Variants in ARHGAP15 observed in about 807,000 individuals in gnomAD.
The protein encoded by ARHGAP15 is rho GTPase-activating protein 15.
In ARHGAP15, 51 loss-of-function variants were observed where a neutral mutation model predicts 63.7. That is an observed-to-expected ratio of 0.80 (90% CI 0.64 to 1.01). ARHGAP15 has a LOEUF of 1.01. Among genes scored for constraint, ARHGAP15 ranks in the 50% least tolerant of loss-of-function variants. ARHGAP15 has a pLI of 0.00. For synonymous variants in ARHGAP15, 191 were observed against 193.8 expected (o/e 0.99, Z 0.12); for missense variants, 560 against 564.6 (o/e 0.99, Z 0.08).
rs553717120 is a variant in ARHGAP15, at chr2:143,597,742, A to C, written c.1004-26391A>C. Among the ~76,000 whole-genome samples the C allele has an allele frequency of 1.1e-4, 17 of 152,306 alleles. No individual in the cohort carries two copies. In the Middle Eastern group the frequency reaches 0.01, roughly 91 times the overall value. On this transcript the variant is annotated intron_variant, in intron 11 of 13. Transcript: ENST00000295095. ...TCTGTAGTAAAACAAAAACAATTTC[A>C]AGCAAACAAACCTGAGAGCTCAATA...
intron 2 of ARHGAP15, among the ~76,000 whole-genome samples, chr2:143,188,508 A>T (rs543166314): frequency 6.6e-6 from 1 of 151,882 alleles, no homozygotes; most frequent in South Asian, 2.1e-4. Flanking sequence ...CTTGCTTAAC[A>T]CATCTTGAAC....
intron 13 of ARHGAP15, among the ~76,000 whole-genome samples, chr2:143,734,056 T>G (rs1482953703): frequency 4.6e-5 from 7 of 152,332 alleles, no homozygotes; most frequent in African/African-American, 1.7e-4. Context: ...GATCTTGATC[T>G]TTTTGTGAAG....
chr2:143,539,754 A>T (rs1057428702), intron 10 of ARHGAP15, among the ~76,000 whole-genome samples: 3 of 151,926 alleles, frequency 2.0e-5, no homozygotes, highest in African/African-American at 7.3e-5. Context: ...ACAGTTTGTT[A>T]TAATTTCTGT....
intron 6 of ARHGAP15, among the ~76,000 whole-genome samples, chr2:143,313,733 T>C (rs1220894474): frequency 6.6e-6 from 1 of 152,184 alleles, no homozygotes; most frequent in African/African-American, 2.4e-5. Context: ...CTAATTGCTG[T>C]TCAGCTTTGT....
chr2:143,285,527 A>C (rs1682050255), intron 6 of ARHGAP15, among the ~76,000 whole-genome samples: 1 of 152,148 alleles, frequency 6.6e-6, no homozygotes, highest in African/African-American at 2.4e-5. Flanking sequence ...AAAGATGAAA[A>C]ATGCATTCTA....
chr2:143,631,514 A>G (rs904263064), intron 12 of ARHGAP15, among the ~76,000 whole-genome samples: 1 of 152,070 alleles, frequency 6.6e-6, no homozygotes, highest in Non-Finnish European at 1.5e-5. Context: ...AATTTTAGCC[A>G]TTCTATGTGT....
chr2:143,338,830 C>T (rs1265703274), intron 6 of ARHGAP15, among the ~76,000 whole-genome samples: 1 of 152,086 alleles, frequency 6.6e-6, no homozygotes, highest in Non-Finnish European at 1.5e-5. Context: ...TGATAGGTTG[C>T]TTACCCTTTA....
intron 12 of ARHGAP15, among the ~76,000 whole-genome samples, chr2:143,652,574 T>C (rs1394498224): frequency 1.3e-5 from 2 of 152,118 alleles, no homozygotes; most frequent in African/African-American, 4.8e-5. Flanking sequence ...GAACAAGTTA[T>C]ATCTCATTAT....
At chr2:143,419,413 A>C (rs1489639214) in intron 6 of ARHGAP15, among the ~76,000 whole-genome samples, 1 of 151,936 alleles carries the variant, frequency 6.6e-6, no homozygotes, top group African/African-American at 2.4e-5. Context: ...AAGAAAAACA[A>C]ATCAGAAATC....
intron 12 of ARHGAP15, among the ~76,000 whole-genome samples, chr2:143,637,913 C>G (rs1474967756): frequency 1.3e-5 from 2 of 152,174 alleles, no homozygotes; most frequent in Non-Finnish European, 2.9e-5. Context: ...CTCACCATCA[C>G]TGGCCATCAG....
chr2:143,250,973 C>A (rs1680131532), intron 6 of ARHGAP15, among the ~76,000 whole-genome samples: 1 of 151,964 alleles, frequency 6.6e-6, no homozygotes, highest in Non-Finnish European at 1.5e-5. Context: ...TATTTACATT[C>A]ATTGACACTC....
chr2:143,540,782 T>C (rs897419781), intron 10 of ARHGAP15, among the ~76,000 whole-genome samples: 4 of 152,184 alleles, frequency 2.6e-5, no homozygotes, highest in Non-Finnish European at 2.9e-5. Flanking sequence ...GTGGTTAACC[T>C]GACCTTTCTC....
chr2:143,148,373 T>G (rs577638906), intron 1 of ARHGAP15, among the ~76,000 whole-genome samples: 1 of 152,060 alleles, frequency 6.6e-6, no homozygotes, highest in Non-Finnish European at 1.5e-5. Context: ...GCAAAGTCTA[T>G]GTCTCAGAGT....
intron 6 of ARHGAP15, among the ~76,000 whole-genome samples, chr2:143,357,745 T>C (rs1469816314): frequency 2.0e-5 from 3 of 151,894 alleles, no homozygotes; most frequent in Non-Finnish European, 4.4e-5. Flanking sequence ...TGAAGACACA[T>C]AAGATAATGA....
At chr2:143,305,391 G>T (rs568090314) in intron 6 of ARHGAP15, 1 of 152,116 alleles carries the variant, frequency 6.6e-6, no homozygotes, top group East Asian at 1.9e-4. Context: ...GTTGATGGGT[G>T]CAGCAAACCA....
chr2:143,418,775 T>TC (rs1286815363), intron 6 of ARHGAP15, among the ~76,000 whole-genome samples: 1 of 152,194 alleles, frequency 6.6e-6, no homozygotes, highest in Non-Finnish European at 1.5e-5. Flanking sequence ...GGGGTTTTTT[T>TC]CCCAATAAAT....
intron 6 of ARHGAP15, among the ~76,000 whole-genome samples, chr2:143,273,339 T>G (rs1681390602): frequency 6.6e-6 from 1 of 152,148 alleles, no homozygotes; most frequent in South Asian, 2.1e-4. Context: ...TGATGATGAT[T>G]GGTAATAATT....
rs147891307 is a variant in ARHGAP15, at chr2:143,413,971, G to GCGCGCGCGCGCGCGCGCA, written c.475-21629_475-21628insGCGCGCGCGCGCGCGCAC. Among the ~76,000 whole-genome samples the GCGCGCGCGCGCGCGCGCA allele has an allele frequency of 2.4e-3, 361 of 147,694 alleles. 9 individuals are homozygous for GCGCGCGCGCGCGCGCGCA. Among genetic ancestry groups the GCGCGCGCGCGCGCGCGCA allele is most frequent in the South Asian group, 0.013 (60 of 4,606 alleles). On this transcript the variant is annotated intron_variant, in intron 6 of 13. Transcript: ENST00000295095. ...TGTGTGTGTGTGTGTGTGTGTGCGC[G>GCGCGCGCGCGCGCGCGCA]CTCTCTGGCAGAAAGTTAATCTGAA...
intron 2 of ARHGAP15, among the ~76,000 whole-genome samples, chr2:143,169,029 A>G (rs1185090512): frequency 6.6e-6 from 1 of 152,084 alleles, no homozygotes; most frequent in Non-Finnish European, 1.5e-5. Flanking sequence ...ATAATGCTAC[A>G]TGGCCAAGGG....
Sources: gnomAD v4.1 joint callset for allele counts (sites outside exome capture counted in the v4.1 genomes callset) on GRCh38, gnomAD v4.1.1 for gene constraint, MANE v1.5 for transcripts, NCBI Gene and HGNC (gene_info 2026-07-23, HGNC 2026-07-21) for gene names.